Variants in CALN1 observed in about 807,000 individuals in gnomAD.
The protein encoded by CALN1 is calcium-binding protein 8.
A neutral mutation model predicts 30.6 loss-of-function variants in CALN1; 17 were observed. That is an observed-to-expected ratio of 0.56 (90% CI 0.38 to 0.83). The LOEUF (loss-of-function observed/expected upper bound fraction) is 0.83. Among genes scored for constraint, CALN1 ranks in the 40% least tolerant of loss-of-function variants. The pLI, the probability that CALN1 is intolerant of heterozygous loss-of-function variation, is 0.00. For synonymous variants in CALN1, 156 were observed against 131.4 expected (o/e 1.19, Z -1.28); for missense variants, 291 against 354.9 (o/e 0.82, Z 1.45).
chr7:72,367,400 G>A (rs1803941307), intron 2 of CALN1, among the ~76,000 whole-genome samples: 1 of 152,092 alleles, frequency 6.6e-6, no homozygotes, highest in South Asian at 2.1e-4. Flanking sequence ...GAGGTGGGAG[G>A]ATTGCTTCAG....
At chr7:72,335,925 T>G (rs1312078892) in intron 2 of CALN1, among the ~76,000 whole-genome samples, 1 of 152,052 alleles carries the variant, frequency 6.6e-6, no homozygotes, top group Admixed American at 6.5e-5. Flanking sequence ...TCGGACCAAG[T>G]CTCGGGAAGT....
the CALN1 span, among the ~76,000 whole-genome samples, chr7:72,499,780 T>C: frequency 2.5e-5 from 1 of 39,358 alleles, no homozygotes; most frequent in Non-Finnish European, 4.4e-5. Context: ...TTTCTTTCCT[T>C]CCTTCCTTCC....
In CALN1 at chr7:72,278,761, T is replaced by A; in HGVS notation, c.169A>T (p.Asn57Tyr). 1 of 1,614,036 alleles carries A rather than the reference T, an allele frequency of 6.2e-7. No homozygotes were observed. Residue 57 changes from asparagine (N) to tyrosine (Y), a missense_variant, in exon 3 of 7, where the codon AAT becomes TAT. Physicochemically the swap from Asn to Tyr is moderately radical, Grantham distance 143. Transcript: ENST00000395275. ...GCAGAGAGCGATCGGTTGAGGTAAT[T>A]CCCCTTGTACAACAAGCCGGCGGTC... ...HVTAGLLYKG[N>Y]YLNRSLSAGS... is the part of the protein sequence containing the mutation.
chr7:72,163,388 A>C (rs1788265226), intron 3 of CALN1, among the ~76,000 whole-genome samples: 1 of 83,910 alleles, frequency 1.2e-5, no homozygotes, highest in Non-Finnish European at 2.2e-5. Flanking sequence ...AACTTATTGG[A>C]GATTAAAAAA....
chr7:71,931,201 T>G (rs1179363145), intron 5 of CALN1, among the ~76,000 whole-genome samples: 1 of 152,238 alleles, frequency 6.6e-6, no homozygotes, highest in Non-Finnish European at 1.5e-5. Flanking sequence ...TTTTGCTTAA[T>G]TGGGATTTAA....
intron 1 of CALN1, among the ~76,000 whole-genome samples, chr7:72,427,517 T>A (rs1035712360): frequency 6.6e-6 from 1 of 152,172 alleles, no homozygotes; most frequent in African/African-American, 2.4e-5. Flanking sequence ...GGGGACCTGA[T>A]TCCAATGTCC....
chr7:72,473,896 TC>T, the CALN1 span, among the ~76,000 whole-genome samples: 10 of 141,766 alleles, frequency 7.1e-5, no homozygotes, highest in Admixed American at 5.2e-4. Context: ...ACCACTGCCC[TC>T]CAGCCTGGGC....
chr7:71,850,571 T>C (rs1790579901), intron 5 of CALN1, among the ~76,000 whole-genome samples: 1 of 152,174 alleles, frequency 6.6e-6, no homozygotes, highest in Non-Finnish European at 1.5e-5. Context: ...TACGATATTA[T>C]TTGTGGAAAA....
intron 3 of CALN1, among the ~76,000 whole-genome samples, chr7:72,143,459 A>G (rs975443204): frequency 2.6e-5 from 4 of 152,170 alleles, no homozygotes; most frequent in African/African-American, 9.6e-5. Context: ...AAGCCTCCAA[A>G]AAATATGGGA....
chr7:72,142,119 G>C (rs112048975), intron 3 of CALN1, among the ~76,000 whole-genome samples: 24 of 152,292 alleles, frequency 1.6e-4, no homozygotes, highest in African/African-American at 5.5e-4. Flanking sequence ...TTGTCAGACA[G>C]TGGGTGCAGG....
Position 71,954,884 on chromosome 7 carries a change from C to T in CALN1, c.501+68773G>A, listed in dbSNP as rs138430775. ...AGGAGTGAGGTTTAACTCTTCTCTACAGGGGAACAGACAGTTTCATTTGAC... is the reference window on the plus strand; with the variant it reads ...AGGAGTGAGGTTTAACTCTTCTCTATAGGGGAACAGACAGTTTCATTTGAC... On this transcript the variant is annotated intron_variant, in intron 5 of 6. Transcript: ENST00000395275. Among the ~76,000 whole-genome samples, 11 of 152,280 alleles carry T rather than the reference C, an allele frequency of 7.2e-5. No homozygotes were observed. In the East Asian group the frequency reaches 1.9e-3, roughly 27 times the overall value.
At chr7:72,391,266 C>CA (rs1805561645) in intron 2 of CALN1, among the ~76,000 whole-genome samples, 2 of 152,134 alleles carry the variant, frequency 1.3e-5, no homozygotes, top group African/African-American at 4.8e-5. Context: ...TAAGATGGTA[C>CA]AAAGCCCAGT....
At position 72,278,010 on chromosome 7, in the gene CALN1, G is replaced by GGGGC. The variant is rs1554348533; in HGVS notation, c.244+675_244+676insGCCC. Among the ~76,000 whole-genome samples, 62 of 90,508 alleles carry GGGGC rather than the reference G, an allele frequency of 6.9e-4. 2 individuals are homozygous for GGGGC. The highest frequency in any genetic ancestry group is 6.5e-3 in the South Asian group (14 of 2,140). 59.4% of individuals were successfully genotyped at this position (90,508 alleles called of 152,430 possible). The stretch of plus-strand genomic sequence containing the variant: ...CAAATCAACCTAATCCTCTATTCCG[G>GGGGC]GGGGGGGGGACTTGTTTTTCCTATT... On this transcript the variant is annotated intron_variant, in intron 3 of 6. Coordinates refer to ENST00000395275, the MANE Select transcript of CALN1 (RefSeq NM_031468.4).
intron 4 of CALN1, among the ~76,000 whole-genome samples, chr7:72,086,181 G>C (rs1490981084): frequency 6.6e-6 from 1 of 152,086 alleles, no homozygotes; most frequent in Non-Finnish European, 1.5e-5. Context: ...TAAAGAAAAT[G>C]ATCACTTGTG....
At chr7:71,926,487 C>T (rs1190292120) in intron 5 of CALN1, among the ~76,000 whole-genome samples, 2 of 152,136 alleles carry the variant, frequency 1.3e-5, no homozygotes, top group African/African-American at 4.8e-5. Context: ...TGATTAGACC[C>T]ATTCTGTTAC....
chr7:72,369,973 G>A (rs867505480), intron 2 of CALN1, among the ~76,000 whole-genome samples: 3 of 151,974 alleles, frequency 2.0e-5, no homozygotes, highest in Non-Finnish European at 4.4e-5. Context: ...TATTTATTTT[G>A]GTTAAATACC....
At chr7:72,008,385 C>T (rs753067417) in intron 5 of CALN1, among the ~76,000 whole-genome samples, 1 of 149,952 alleles carries the variant, frequency 6.7e-6, no homozygotes, top group African/African-American at 2.5e-5. Context: ...TAAAGCTATA[C>T]GAAGAAGAAA....
chr7:71,854,401 G>GA (rs939330522), intron 5 of CALN1, among the ~76,000 whole-genome samples: 2 of 150,850 alleles, frequency 1.3e-5, no homozygotes, highest in African/African-American at 2.4e-5. Context: ...AAGAAGGAAA[G>GA]AAAAAAAGAA....
intron 5 of CALN1, among the ~76,000 whole-genome samples, chr7:71,974,695 C>G (rs770445050): frequency 6.6e-6 from 1 of 152,094 alleles, no homozygotes; most frequent in South Asian, 2.1e-4. Flanking sequence ...ACAAACCATC[C>G]GCAGAGATGT....
Sources: allele counts gnomAD v4.1 joint callset (sites outside exome capture counted in the v4.1 genomes callset), GRCh38; gene constraint gnomAD v4.1.1; transcripts MANE v1.5; gene names NCBI Gene and HGNC (gene_info 2026-07-23, HGNC 2026-07-21).